KIF6: variants seen among roughly 807,000 people sequenced by gnomAD.
KIF6 encodes the protein kinesin family member 6.
KIF6 carries 106 observed loss-of-function variants against 112.7 expected under a neutral mutation model. That is an observed-to-expected ratio of 0.94 (90% CI 0.80 to 1.11). The LOEUF is 1.11. Among genes scored for constraint, KIF6 ranks in the 50% least tolerant of loss-of-function variants. The probability of loss-of-function intolerance (pLI) is 0.00; values close to 1 mark genes in which losing one functional copy is unlikely to be tolerated. For missense variants in KIF6, 929 were observed against 964.0 expected, an observed-to-expected ratio of 0.96 and a Z score of 0.48; for synonymous variants, 339 against 339.9, an observed-to-expected ratio of 1.00 and a Z score of 0.03.
intron 3 of KIF6, among the ~76,000 whole-genome samples, chr6:39,706,104 C>A (rs950240624): frequency 2.6e-5 from 4 of 152,180 alleles, no homozygotes; most frequent in Admixed American, 2.0e-4. Flanking sequence ...AATTTTCACC[C>A]CTTGCATATA....
intron 15 of KIF6, among the ~76,000 whole-genome samples, chr6:39,416,062 A>AG (rs1451776634): frequency 2.0e-5 from 3 of 152,144 alleles, no homozygotes; most frequent in Non-Finnish European, 4.4e-5. Context: ...TTAGGCCTGG[A>AG]GGGGTCTGTG....
intron 10 of KIF6, among the ~76,000 whole-genome samples, chr6:39,562,953 A>C (rs1315812903): frequency 6.6e-6 from 1 of 152,128 alleles, no homozygotes; most frequent in Non-Finnish European, 1.5e-5. Flanking sequence ...AATAGAGAAG[A>C]AAGGCTGGGT....
intron 13 of KIF6, among the ~76,000 whole-genome samples, chr6:39,535,158 G>T (rs1485593300): frequency 6.6e-6 from 1 of 152,066 alleles, no homozygotes; most frequent in Non-Finnish European, 1.5e-5. Context: ...CATCAACTAA[G>T]GAGCAAAATA....
intron 3 of KIF6, among the ~76,000 whole-genome samples, chr6:39,652,170 T>A (rs751354159): frequency 6.6e-6 from 1 of 152,184 alleles, no homozygotes; most frequent in African/African-American, 2.4e-5. Context: ...TATTAGCTTA[T>A]GGATAGTAGA....
chr6:39,690,264 A>C (rs1215987711), intron 3 of KIF6: 2 of 152,104 alleles, frequency 1.3e-5, no homozygotes, highest in African/African-American at 4.8e-5. Flanking sequence ...AAAGAGTGAG[A>C]GTATCGGAAA....
intron 18 of KIF6, among the ~76,000 whole-genome samples, chr6:39,360,103 CAGT>C (rs1481865794): frequency 1.3e-5 from 2 of 152,322 alleles, no homozygotes; most frequent in Admixed American, 6.5e-5. Context: ...AGTAGGAAAT[CAGT>C]GGAGAATATC....
At chr6:39,635,124 T>C (rs1440945617) in intron 4 of KIF6, among the ~76,000 whole-genome samples, 166 bp from the exon 5 acceptor site, 1 of 152,100 alleles carries the variant, frequency 6.6e-6, no homozygotes, top group Admixed American at 6.6e-5. Flanking sequence ...CCAGTTACCA[T>C]ATGCATGAAG....
chr6:39,604,951 C>A (rs1782802680), intron 6 of KIF6, among the ~76,000 whole-genome samples: 1 of 152,078 alleles, frequency 6.6e-6, no homozygotes, highest in South Asian at 2.1e-4. Context: ...CCCTAAGGGT[C>A]ATTTCTCCAG....
chr6:39,419,257 G>A (rs898207919), intron 15 of KIF6, among the ~76,000 whole-genome samples: 1 of 149,658 alleles, frequency 6.7e-6, no homozygotes, highest in African/African-American at 2.5e-5. Flanking sequence ...GGGAAGCTGA[G>A]GCAGGAGAAT....
At chr6:39,531,938 C>A (rs143168642) in intron 13 of KIF6, among the ~76,000 whole-genome samples, 1 of 152,256 alleles carries the variant, frequency 6.6e-6, no homozygotes, top group East Asian at 1.9e-4. Context: ...CAGATCCTAA[C>A]CACACCTGGC....
chr6:39,521,129 G>A (rs1777375335), intron 13 of KIF6, among the ~76,000 whole-genome samples: 3 of 152,180 alleles, frequency 2.0e-5, no homozygotes, highest in Admixed American at 2.0e-4. Context: ...GGTGAAGGCA[G>A]ATGCTGTTAC....
chr6:39,462,269 C>A (rs1773524703), intron 13 of KIF6, among the ~76,000 whole-genome samples: 3 of 152,172 alleles, frequency 2.0e-5, no homozygotes, highest in Admixed American at 6.5e-5. Flanking sequence ...TTGTTGGCAC[C>A]ATTCCTTCCT....
intron 13 of KIF6, among the ~76,000 whole-genome samples, chr6:39,480,396 T>C (rs927517204): frequency 6.6e-6 from 1 of 152,254 alleles, no homozygotes; most frequent in Non-Finnish European, 1.5e-5. Flanking sequence ...ATCCCTGGTA[T>C]GAAACCCACT....
intron 9 of KIF6, among the ~76,000 whole-genome samples, chr6:39,581,995 C>T (rs752390835): frequency 1.3e-5 from 2 of 152,166 alleles, no homozygotes; most frequent in South Asian, 2.1e-4. Context: ...TAGAATTTTA[C>T]TGAAATGTAT....
At chr6:39,472,786 C>G (rs1333766026) in intron 13 of KIF6, among the ~76,000 whole-genome samples, 1 of 152,194 alleles carries the variant, frequency 6.6e-6, no homozygotes, top group African/African-American at 2.4e-5. Context: ...TGACACATCA[C>G]CACACACCTT....
intron 14 of KIF6, among the ~76,000 whole-genome samples, chr6:39,426,175 C>G (rs1311102813): frequency 6.6e-6 from 1 of 152,204 alleles, no homozygotes; most frequent in Admixed American, 6.5e-5. Flanking sequence ...GGGTTTCCAG[C>G]CTCTCTTCAT....
chr6:39,533,182 C>T (rs895255443), intron 13 of KIF6, among the ~76,000 whole-genome samples: 6 of 152,148 alleles, frequency 3.9e-5, no homozygotes, highest in South Asian at 4.1e-4. Flanking sequence ...TGTAGTGCAC[C>T]GTGCGTGAGC....
chr6:39,556,606 G>A lies in KIF6; in HGVS notation c.1182-10918C>T, dbSNP rs142967566. On this transcript the variant is annotated intron_variant, in intron 10 of 22. Coordinates refer to ENST00000287152, the MANE Select transcript of KIF6 (RefSeq NM_145027.6). ...GACCAGAACAGGGGCCAGAGATCAA[G>A]TCTGAGGATCAAGGAATGAGAGGCA... Among the ~76,000 whole-genome samples, 515 of 152,272 alleles carry A rather than the reference G, an allele frequency of 3.4e-3. 6 individuals are homozygous for A. The highest frequency in any genetic ancestry group is 0.012 in the African/African-American group (491 of 41,544).
At chr6:39,430,346 T>C (rs1771064209) in intron 14 of KIF6, among the ~76,000 whole-genome samples, 1 of 152,200 alleles carries the variant, frequency 6.6e-6, no homozygotes, top group Non-Finnish European at 1.5e-5. Flanking sequence ...ATTCAACAAA[T>C]AGTTCTTGAA....
Sources: allele counts gnomAD v4.1 joint callset (sites outside exome capture counted in the v4.1 genomes callset), GRCh38; gene constraint gnomAD v4.1.1; transcripts MANE v1.5; gene names NCBI Gene and HGNC (gene_info 2026-07-23, HGNC 2026-07-21).